The following GRM8 variants were observed in gnomAD, a reference collection of about 807,000 sequenced individuals.
GRM8 encodes glutamate metabotropic receptor 8.
In GRM8, 47 loss-of-function variants were observed where a neutral mutation model predicts 87.2. The ratio of observed to expected loss-of-function variants is 0.54; its 90% CI spans 0.43 to 0.69. The LOEUF (loss-of-function observed/expected upper bound fraction) is 0.69. GRM8 is among the 30% of genes least tolerant of loss of function. The pLI, the probability that GRM8 is intolerant of heterozygous loss-of-function variation, is 0.00. For missense variants in GRM8, 1,019 were observed against 1,139.2 expected (o/e 0.89, Z 1.52); for synonymous variants, 396 against 404.5 (o/e 0.98, Z 0.25).
chr7:127,038,590 A>T (rs1299529731), intron 3 of GRM8, among the ~76,000 whole-genome samples: 1 of 152,180 alleles, frequency 6.6e-6, no homozygotes, highest in Non-Finnish European at 1.5e-5. Flanking sequence ...ATTATTTTTT[A>T]AATTTATTTA....
At chr7:126,763,869 G>C (rs147218777) in intron 7 of GRM8, among the ~76,000 whole-genome samples, 390 of 151,848 alleles carry the variant, frequency 2.6e-3, no homozygotes, top group African/African-American at 7.7e-3. Context: ...CCCATACTTA[G>C]CTCTTCTGTC....
chr7:126,501,148 C>T lies in GRM8; in HGVS notation c.2430+31804G>A, dbSNP rs573200061. Among the ~76,000 whole-genome samples, 3 of 152,080 alleles carry T rather than the reference C, an allele frequency of 2.0e-5. No individual in the cohort carries two copies. The South Asian group carries it at 6.2e-4, about 32-fold the overall frequency. ...TTCTGCATGAATTACTTACGTTTTA[C>T]AGCAGAACTAGTTACAAAAGTAAAT... On this transcript the variant is annotated intron_variant, in intron 9 of 10. Coordinates refer to ENST00000339582, the MANE Select transcript of GRM8 (RefSeq NM_000845.3).
At chr7:126,797,792 G>A (rs1309237432) in intron 6 of GRM8, among the ~76,000 whole-genome samples, 1 of 152,092 alleles carries the variant, frequency 6.6e-6, no homozygotes, top group Non-Finnish European at 1.5e-5. Flanking sequence ...CTAAGATTGT[G>A]TAAAACAACA....
chr7:126,976,077 T>C (rs145175087), intron 3 of GRM8, among the ~76,000 whole-genome samples: 49 of 152,298 alleles, frequency 3.2e-4, no homozygotes, highest in African/African-American at 1.2e-3. Flanking sequence ...GAAAAACACA[T>C]GGATATGGAT....
chr7:126,836,860 C>T lies in GRM8; in HGVS notation c.1156+65682G>A, dbSNP rs150049565. The stretch of plus-strand genomic sequence containing the variant: ...GAAGTCTTATACATGGTAACTAGCA[C>T]GTAGTACAAACTAAACAAATAATAT... On this transcript the variant is annotated intron_variant, in intron 6 of 10. Transcript: ENST00000339582. Among the ~76,000 whole-genome samples the T allele has an allele frequency of 1.8e-4, 28 of 152,272 alleles. No individual in the cohort carries two copies. In the East Asian group the frequency reaches 3.7e-3, roughly 20 times the overall value.
intron 3 of GRM8, among the ~76,000 whole-genome samples, chr7:126,964,089 G>C (rs1563359880): frequency 6.6e-6 from 1 of 152,114 alleles, no homozygotes; most frequent in Non-Finnish European, 1.5e-5. Context: ...TTAATAAATG[G>C]TGCTGGGAAA....
At chr7:127,005,416 T>C (rs1814185124) in intron 3 of GRM8, among the ~76,000 whole-genome samples, 2 of 151,718 alleles carry the variant, frequency 1.3e-5, no homozygotes, top group Admixed American at 1.3e-4. Flanking sequence ...ACAATATGTG[T>C]CTTTTTAGGG....
chr7:126,842,702 C>T (rs886203490), intron 6 of GRM8, among the ~76,000 whole-genome samples: 10 of 152,190 alleles, frequency 6.6e-5, no homozygotes, highest in African/African-American at 2.4e-4. Context: ...ATCAGAAAGA[C>T]TCCATTGGTC....
intron 2 of GRM8, among the ~76,000 whole-genome samples, chr7:127,144,229 C>T (rs1828432147): frequency 6.6e-6 from 1 of 152,062 alleles, no homozygotes. Context: ...TTCCACTAGA[C>T]ATTAAAGTCA....
At chr7:126,509,089 C>T (rs1810931058) in intron 9 of GRM8, among the ~76,000 whole-genome samples, 1 of 152,038 alleles carries the variant, frequency 6.6e-6, no homozygotes, top group East Asian at 1.9e-4. Context: ...GCAAGAGGGA[C>T]AAATGATGCC....
At chr7:127,079,728 CT>C (rs1822652149) in intron 3 of GRM8, among the ~76,000 whole-genome samples, 1 of 152,180 alleles carries the variant, frequency 6.6e-6, no homozygotes, top group Non-Finnish European at 1.5e-5. Flanking sequence ...GGCCATTTGC[CT>C]CGGGATACAT....
chr7:127,229,724 T>C lies in GRM8; in HGVS notation c.510+12971A>G, dbSNP rs546607674. 1.7e-4 allele frequency: 26 copies of C among 152,314 alleles called. No homozygotes were observed. The East Asian group carries it at 4.4e-3, about 26-fold the overall frequency. 9.4% of individuals were successfully genotyped at this position (152,314 alleles called of 1,614,324 possible). A position where few individuals can be genotyped will look rare whatever the true frequency, so the allele number is the denominator to read the frequency against. On this transcript the variant is annotated intron_variant, in intron 2 of 10. Coordinates refer to ENST00000339582, the MANE Select transcript of GRM8 (RefSeq NM_000845.3). ...AATTTATTTCCAAATCAAAACCCTT[T>C]ACACTTGGAATATTGTCAAATCTCA...
intron 7 of GRM8, among the ~76,000 whole-genome samples, chr7:126,701,165 T>C (rs1205599054): frequency 2.0e-5 from 3 of 152,070 alleles, no homozygotes; most frequent in East Asian, 1.9e-4. Flanking sequence ...AGCAATGAAA[T>C]GAGTCAGCTA....
chr7:126,921,068 C>A (rs1301040254), intron 3 of GRM8, among the ~76,000 whole-genome samples: 6 of 152,074 alleles, frequency 3.9e-5, no homozygotes, highest in African/African-American at 1.4e-4. Flanking sequence ...TGAGAGGAGC[C>A]TTTACCGTGA....
At chr7:127,247,864 T>C (rs1223543585) in intron 1 of GRM8, among the ~76,000 whole-genome samples, 1 of 152,226 alleles carries the variant, frequency 6.6e-6, no homozygotes. Context: ...ACACAATAAC[T>C]GATTTTGTTT....
chr7:126,834,095 G>A (rs1261416487), intron 6 of GRM8, among the ~76,000 whole-genome samples: 1 of 152,180 alleles, frequency 6.6e-6, no homozygotes, highest in African/African-American at 2.4e-5. Flanking sequence ...AGAACCAGGA[G>A]GTGCCAACAG....
At chr7:126,525,921 ATC>A (rs1813750254) in intron 9 of GRM8, among the ~76,000 whole-genome samples, 1 of 152,188 alleles carries the variant, frequency 6.6e-6, no homozygotes, top group Non-Finnish European at 1.5e-5. Flanking sequence ...ATTCAAATAA[ATC>A]TGTTTCGAAT....
chr7:126,832,345 C>T (rs1238415435), intron 6 of GRM8, among the ~76,000 whole-genome samples: 2 of 151,982 alleles, frequency 1.3e-5, no homozygotes, highest in East Asian at 1.9e-4. Context: ...ACTCAAACAT[C>T]GTCTTACTTG....
At chr7:126,639,775 T>C (rs11975108) in intron 7 of GRM8, among the ~76,000 whole-genome samples, 46,862 of 152,230 alleles carry the variant, frequency 0.31, 8,087 homozygotes, top group East Asian at 0.43. Flanking sequence ...TGGATTTTCA[T>C]TAGCCAGTTC....
Sources: gnomAD v4.1 joint callset for allele counts (sites outside exome capture counted in the v4.1 genomes callset) on GRCh38, gnomAD v4.1.1 for gene constraint, MANE v1.5 for transcripts, NCBI Gene and HGNC (gene_info 2026-07-23, HGNC 2026-07-21) for gene names.